Variants in CNGB3 observed in about 807,000 individuals in gnomAD.
The protein encoded by CNGB3 is cyclic nucleotide gated channel subunit beta 3, also known as cyclic nucleotide-gated channel beta-3.
Under a neutral mutation model 92.8 loss-of-function variants are expected in CNGB3, and 86 were observed. The observed-to-expected ratio is 0.93, with a 90% confidence interval of 0.78 to 1.11. CNGB3 has a LOEUF of 1.11. CNGB3 is among the 50% of genes least tolerant of loss of function. The pLI, the probability that CNGB3 is intolerant of heterozygous loss-of-function variation, is 0.00. For synonymous variants in CNGB3, 333 were observed against 332.7 expected, an observed-to-expected ratio of 1.00 and a Z score of -0.01; for missense variants, 1,026 against 956.8, an observed-to-expected ratio of 1.07 and a Z score of -0.95.
At chr8:86,712,610 A>G (rs1041149024) in intron 3 of CNGB3, among the ~76,000 whole-genome samples, 15 of 152,030 alleles carry the variant, frequency 9.9e-5, no homozygotes, top group Non-Finnish European at 1.6e-4. Flanking sequence ...ATTTAGATAT[A>G]TTTCTGTATT....
intron 3 of CNGB3, among the ~76,000 whole-genome samples, chr8:86,690,612 C>T (rs1466448142): frequency 2.6e-5 from 4 of 152,050 alleles, no homozygotes; most frequent in African/African-American, 9.7e-5. Context: ...CTTTTGGTGT[C>T]TTAGACATGA....
intron 3 of CNGB3, among the ~76,000 whole-genome samples, chr8:86,680,728 G>A (rs1824066778): frequency 1.3e-5 from 2 of 152,090 alleles, no homozygotes. Flanking sequence ...TTCCCTCATA[G>A]TGTAGAAAGA....
rs73690206 is a variant in CNGB3, at chr8:86,680,664, G to C, written c.339-9566C>G. On this transcript the variant is annotated intron_variant, in intron 3 of 17. Transcript: ENST00000320005. ...AGGATGGCAACAATCAAAAGGAATGGGGGACTCTATGCCCAGACAGTGAGT... is the reference window on the plus strand; with the variant it reads ...AGGATGGCAACAATCAAAAGGAATGCGGGACTCTATGCCCAGACAGTGAGT... Among the ~76,000 whole-genome samples the C allele has an allele frequency of 6.3e-3, 958 of 152,248 alleles. 13 individuals are homozygous for C. Among genetic ancestry groups the C allele is most frequent in the African/African-American group, 0.022 (908 of 41,534 alleles).
chr8:86,610,018 TA>T (rs374407809), intron 14 of CNGB3, among the ~76,000 whole-genome samples: 284 of 152,312 alleles, frequency 1.9e-3, no homozygotes, highest in African/African-American at 6.4e-3. Flanking sequence ...TGGAATTATG[TA>T]TTGACTTAAT....
intron 15 of CNGB3, among the ~76,000 whole-genome samples, chr8:86,589,901 T>A (rs1296328006): frequency 6.6e-6 from 1 of 151,882 alleles, no homozygotes; most frequent in Non-Finnish European, 1.5e-5. Flanking sequence ...CCCTGTTGAC[T>A]TTCTGTCTCG....
At chr8:86,592,213 C>T (rs973636991) in intron 15 of CNGB3, among the ~76,000 whole-genome samples, 18 of 152,140 alleles carry the variant, frequency 1.2e-4, no homozygotes, top group Non-Finnish European at 1.8e-4. Flanking sequence ...GCACGGTGCG[C>T]GCACCCACTG....
rs36112111 is a variant in CNGB3 at position 86,730,192 on chromosome 8, C to A, written c.212-3535G>T. Among the ~76,000 whole-genome samples, 1,362 of 152,266 alleles carry A rather than the reference C, an allele frequency of 8.9e-3. 6 individuals are homozygous for A. Among genetic ancestry groups the A allele is most frequent in the Non-Finnish European group, 0.014 (949 of 68,034 alleles). On this transcript the variant is annotated intron_variant, in intron 2 of 17. Coordinates refer to ENST00000320005, the MANE Select transcript of CNGB3 (RefSeq NM_019098.5). Reference sequence around the variant, plus strand: ...CTTGTAGCAGCACAACATGGAGACACGAGCAGGTGTGAAACATCTGCTTCT... The same window carrying A: ...CTTGTAGCAGCACAACATGGAGACAAGAGCAGGTGTGAAACATCTGCTTCT...
intron 8 of CNGB3, among the ~76,000 whole-genome samples, chr8:86,645,446 G>A (rs535950803): frequency 4.6e-4 from 70 of 151,258 alleles, no homozygotes; most frequent in African/African-American, 1.5e-3. Context: ...TGCTATTTCC[G>A]TGTCTTGGTT....
At chr8:86,737,860 G>T (rs1255766014) in intron 2 of CNGB3, among the ~76,000 whole-genome samples, 1 of 152,070 alleles carries the variant, frequency 6.6e-6, no homozygotes, top group African/African-American at 2.4e-5. Flanking sequence ...AGTTTGCTTG[G>T]GATAGTGGCC....
chr8:86,669,231 T>A (rs1349026679), intron 4 of CNGB3, among the ~76,000 whole-genome samples: 1 of 151,554 alleles, frequency 6.6e-6, no homozygotes, highest in Non-Finnish European at 1.5e-5. Context: ...TTTTAAACTG[T>A]CTCAAATAAA....
intron 15 of CNGB3, among the ~76,000 whole-genome samples, chr8:86,583,841 C>A (rs139976128): frequency 0.012 from 1,705 of 145,654 alleles, 13 homozygotes; most frequent in Admixed American, 0.02. Flanking sequence ...GATCACTTGA[C>A]CCTGGGAGGT....
intron 6 of CNGB3, chr8:86,661,097 A>G (rs934879969): frequency 1.8e-4 from 40 of 216,412 alleles, no homozygotes; most frequent in Non-Finnish European, 2.8e-5. Context: ...TGAGTCAGTA[A>G]AAATGTAGCC....
chr8:86,598,993 C>T (rs542952450), intron 15 of CNGB3, among the ~76,000 whole-genome samples: 4 of 152,262 alleles, frequency 2.6e-5, no homozygotes, highest in South Asian at 4.2e-4. Context: ...TTACATACCC[C>T]TCAGTAGGGG....
chr8:86,733,736 T>C (rs1825198529), intron 2 of CNGB3, among the ~76,000 whole-genome samples: 1 of 152,248 alleles, frequency 6.6e-6, no homozygotes, highest in Non-Finnish European at 1.5e-5. Context: ...GTAGATTGCC[T>C]AGTTATTTTT....
intron 15 of CNGB3, among the ~76,000 whole-genome samples, chr8:86,595,274 C>T (rs916481017): frequency 1.3e-5 from 2 of 152,156 alleles, no homozygotes; most frequent in African/African-American, 4.8e-5. Context: ...CCCAAACAGG[C>T]TGGTGTGATA....
At position 86,628,990 on chromosome 8, in the gene CNGB3, G is replaced by T; in HGVS notation, c.1409C>A (p.Ser470Tyr). 2.5e-6 allele frequency: 4 copies of T among 1,613,984 alleles called. No individual in the cohort carries two copies. The highest frequency in any genetic ancestry group is 3.4e-6 in the Non-Finnish European group (4 of 1,179,938). ...TCGCTTTTGCACAAGTTTAGGAATG[G>T]AGTAATTGTTCATGTAGGCAATGGT... ...DDTIAYMNNY[S>Y]IPKLVQKRVR... Residue 470 changes from serine (S) to tyrosine (Y), a missense_variant, in exon 12 of 18, where the codon TCC becomes TAC. Physicochemically the swap from Ser to Tyr is moderately radical, Grantham distance 144. Transcript: ENST00000320005.
intron 17 of CNGB3, among the ~76,000 whole-genome samples, chr8:86,577,132 A>AG (rs1821676831): frequency 1.3e-5 from 2 of 151,258 alleles, no homozygotes; most frequent in African/African-American, 4.9e-5. Context: ...ACCAAAAAAA[A>AG]AGAGAGAGAG....
chr8:86,614,766 G>C (rs961334956), intron 13 of CNGB3, among the ~76,000 whole-genome samples: 11 of 152,074 alleles, frequency 7.2e-5, no homozygotes, highest in Non-Finnish European at 1.6e-4. Flanking sequence ...GACCACCTAG[G>C]CATGAGGTTG....
intron 13 of CNGB3, among the ~76,000 whole-genome samples, chr8:86,621,120 T>G (rs1822718001): frequency 6.6e-6 from 1 of 152,218 alleles, no homozygotes; most frequent in African/African-American, 2.4e-5. Context: ...GGCAAAAAAC[T>G]GATATCTTCT....
Sources: allele counts gnomAD v4.1 joint callset (sites outside exome capture counted in the v4.1 genomes callset), GRCh38; gene constraint gnomAD v4.1.1; transcripts MANE v1.5; gene names NCBI Gene and HGNC (gene_info 2026-07-23, HGNC 2026-07-21).